KALRN: variants seen among roughly 807,000 people sequenced by gnomAD.
KALRN encodes kalirin.
Under a neutral mutation model 353.7 loss-of-function variants are expected in KALRN, and 70 were observed. That is an observed-to-expected ratio of 0.20 (90% CI 0.16 to 0.24). The LOEUF is 0.24. KALRN is among the 10% of genes least tolerant of loss of function. KALRN has a pLI of 1.00. For missense variants in KALRN, 2,791 were observed against 3,756.7 expected (o/e 0.74, Z 6.72); for synonymous variants, 1,391 against 1,434.8 (o/e 0.97, Z 0.69).
chr3:124,102,535 A>G (rs774860329), intron 1 of KALRN, among the ~76,000 whole-genome samples: 1 of 152,190 alleles, frequency 6.6e-6, no homozygotes, highest in Non-Finnish European at 1.5e-5. Context: ...GTAATAATAC[A>G]TACCTCAGGA....
intron 1 of KALRN, among the ~76,000 whole-genome samples, chr3:124,108,383 A>G (rs2062519473): frequency 6.6e-6 from 1 of 152,220 alleles, no homozygotes; most frequent in South Asian, 2.1e-4. Flanking sequence ...TTAACTAGTG[A>G]CTAAATACTT....
intron 1 of KALRN, among the ~76,000 whole-genome samples, chr3:124,087,112 A>C (rs1281922278): frequency 6.6e-6 from 1 of 152,192 alleles, no homozygotes. Flanking sequence ...CCCTTCATGC[A>C]TTTTAGTGGA....
At chr3:124,447,469 C>T (rs184592111) in intron 21 of KALRN, among the ~76,000 whole-genome samples, 2 of 152,254 alleles carry the variant, frequency 1.3e-5, no homozygotes, top group South Asian at 2.1e-4. Context: ...TAGAAGGAAA[C>T]CTGATTTTCA....
At chr3:124,064,679 G>A (rs1340715577) in intron 1 of KALRN, among the ~76,000 whole-genome samples, 1 of 152,150 alleles carries the variant, frequency 6.6e-6, no homozygotes, top group Non-Finnish European at 1.5e-5. Flanking sequence ...GATTATCTGG[G>A]CACTGAGGAA....
At chr3:124,686,033 T>C (rs2061542228) in intron 51 of KALRN, among the ~76,000 whole-genome samples, 1 of 152,280 alleles carries the variant, frequency 6.6e-6, no homozygotes, top group South Asian at 2.1e-4. Flanking sequence ...CAGTGATTAT[T>C]ATGGAGGACT....
rs567034460 is a variant in KALRN at position 124,285,785 on chromosome 3, C to T, written c.970-13006C>T. ...TCCTGACCTCAGATGATCCACCTGC[C>T]TGGGCCTCCCAAAGTGCTGGGATTA... On this transcript the variant is annotated intron_variant, in intron 5 of 59. Coordinates refer to ENST00000682506, the MANE Select transcript of KALRN (RefSeq NM_001388419.1). Among the ~76,000 whole-genome samples the T allele has an allele frequency of 9.8e-5, 15 of 152,358 alleles. No homozygotes were observed. The East Asian group carries it at 2.9e-3, about 29-fold the overall frequency.
chr3:124,071,292 C>A (rs1389777332), intron 1 of KALRN, among the ~76,000 whole-genome samples: 1 of 152,176 alleles, frequency 6.6e-6, no homozygotes. Flanking sequence ...TTTCCAAATG[C>A]AATCTCTATT....
chr3:124,482,841 A>G lies in KALRN; in HGVS notation c.4225A>G (p.Ile1409Val). The G allele has an allele frequency of 6.2e-7, 1 of 1,613,808 alleles. No homozygotes were observed. The highest frequency in any genetic ancestry group is 8.5e-7 in the Non-Finnish European group (1 of 1,179,694). Residue 1409 changes from isoleucine to valine, a missense_variant, in exon 28 of 60, where the codon ATC becomes GTC. This residue lies in a region of KALRN where 54 missense variants were observed against 131.7 expected (regional missense o/e 0.41). Coordinates refer to ENST00000682506, the MANE Select transcript of KALRN (RefSeq NM_001388419.1). Reference sequence around the variant, plus strand: ...ACAGCGGCATGGTCTGGCCAACTCCATCTCTTCCTACCTAATTAAGCCTGT... The same window carrying G: ...ACAGCGGCATGGTCTGGCCAACTCCGTCTCTTCCTACCTAATTAAGCCTGT... ...IQQRHGLANSISSYLIKPVQR... is the reference protein window; with the variant it reads ...IQQRHGLANSVSSYLIKPVQR...
intron 50 of KALRN, among the ~76,000 whole-genome samples, chr3:124,679,112 A>C (rs2087515375): frequency 6.6e-6 from 1 of 152,194 alleles, no homozygotes; most frequent in Admixed American, 6.5e-5. Context: ...CCAGTCTAAG[A>C]GATTTCTTGG....
chr3:124,426,283 G>A (rs1424838817), intron 15 of KALRN, among the ~76,000 whole-genome samples: 1 of 152,034 alleles, frequency 6.6e-6, no homozygotes, highest in Non-Finnish European at 1.5e-5. Context: ...TTTAGATGTC[G>A]GTATTGATCA....
At chr3:124,392,486 A>G (rs2150031111) in intron 11 of KALRN, among the ~76,000 whole-genome samples, 1 of 152,086 alleles carries the variant, frequency 6.6e-6, no homozygotes, top group South Asian at 2.1e-4. Context: ...GAGAATAAGT[A>G]ACTTACCCAA....
intron 1 of KALRN, among the ~76,000 whole-genome samples, chr3:124,185,702 G>A (rs2074138440): frequency 6.6e-6 from 1 of 152,170 alleles, no homozygotes; most frequent in Non-Finnish European, 1.5e-5. Context: ...GGCACCAGTT[G>A]TCCTCTGCCT....
chr3:124,636,902 G>A (rs369985283), intron 36 of KALRN, among the ~76,000 whole-genome samples: 4 of 152,312 alleles, frequency 2.6e-5, no homozygotes, highest in East Asian at 3.9e-4. Flanking sequence ...GTTGCTGTCA[G>A]TAGGTACAAC....
intron 34 of KALRN, among the ~76,000 whole-genome samples, chr3:124,578,215 TC>T (rs2074301417): frequency 1.3e-5 from 2 of 152,374 alleles, no homozygotes; most frequent in South Asian, 4.1e-4. Context: ...TAGTAAATAT[TC>T]CAAGACCAAT....
intron 33 of KALRN, among the ~76,000 whole-genome samples, chr3:124,534,892 A>G (rs563891192): frequency 9.2e-5 from 14 of 152,240 alleles, no homozygotes; most frequent in Middle Eastern, 3.4e-3. Context: ...AACCAAGCGA[A>G]CCCTGCAAAT....
intron 57 of KALRN, among the ~76,000 whole-genome samples, chr3:124,703,413 T>C (rs2062441103): frequency 1.3e-5 from 2 of 152,212 alleles, no homozygotes; most frequent in African/African-American, 4.8e-5. Context: ...TTTTTGTTTG[T>C]TTGAGCTCTA....
At chr3:124,280,224 G>A (rs1054498568) in intron 5 of KALRN, among the ~76,000 whole-genome samples, 6 of 152,218 alleles carry the variant, frequency 3.9e-5, no homozygotes, top group South Asian at 2.1e-4. Flanking sequence ...ATTCTTCTGA[G>A]CATTTCCAGG....
chr3:124,380,516 G>A (rs1397941566), intron 10 of KALRN, among the ~76,000 whole-genome samples: 1 of 152,174 alleles, frequency 6.6e-6, no homozygotes, highest in African/African-American at 2.4e-5. Flanking sequence ...ACAGCTGAGG[G>A]ATCTATACAC....
intron 33 of KALRN, among the ~76,000 whole-genome samples, chr3:124,562,415 G>A (rs2072167391): frequency 6.6e-6 from 1 of 152,156 alleles, no homozygotes; most frequent in South Asian, 2.1e-4. Flanking sequence ...GTGGTAGTCA[G>A]GGCAGGGACA....
Sources: gnomAD v4.1 joint callset for allele counts (sites outside exome capture counted in the v4.1 genomes callset) on GRCh38, gnomAD v4.1.1 for gene constraint, gnomAD v4.1.1 regional missense constraint, MANE v1.5 for transcripts, NCBI Gene and HGNC (gene_info 2026-07-23, HGNC 2026-07-21) for gene names.